The following THSD7B variants were observed in gnomAD, a reference collection of about 807,000 sequenced individuals.
The protein encoded by THSD7B is thrombospondin type-1 domain-containing protein 7B.
THSD7B carries 138 observed loss-of-function variants against 213.6 expected under a neutral mutation model. The observed-to-expected ratio is 0.65, with a 90% confidence interval of 0.56 to 0.74. THSD7B has a LOEUF of 0.74. THSD7B is among the 30% of genes least tolerant of loss of function. The pLI is 0.00. For missense variants in THSD7B, 1,931 were observed against 1,991.5 expected (o/e 0.97, Z 0.58); for synonymous variants, 742 against 687.0 (o/e 1.08, Z -1.25).
intron 12 of THSD7B, among the ~76,000 whole-genome samples, chr2:137,340,058 A>C (rs1684725334): frequency 6.6e-6 from 1 of 151,848 alleles, no homozygotes; most frequent in Non-Finnish European, 1.5e-5. Context: ...TTGGAGATAA[A>C]CATCATATAA....
At chr2:136,912,279 G>A (rs1684272261) in intron 2 of THSD7B, among the ~76,000 whole-genome samples, 1 of 127,966 alleles carries the variant, frequency 7.8e-6, no homozygotes, top group Admixed American at 9.8e-5. Context: ...TTGAGATAGT[G>A]CCACTGCACT....
intron 15 of THSD7B, among the ~76,000 whole-genome samples, chr2:137,471,378 C>T (rs1164135652): frequency 6.6e-6 from 1 of 152,066 alleles, no homozygotes; most frequent in Non-Finnish European, 1.5e-5. Context: ...ACGTTTTATC[C>T]TTCTGCCTTG....
chr2:136,804,411 C>CACACACACACATA (rs1682247814), intron 1 of THSD7B, among the ~76,000 whole-genome samples: 2 of 106,364 alleles, frequency 1.9e-5, no homozygotes, highest in African/African-American at 8.2e-5. Flanking sequence ...ATAACACACA[C>CACACACACACATA]ACACACACAC....
chr2:137,664,316 G>A (rs1213704120), intron 26 of THSD7B, among the ~76,000 whole-genome samples: 5 of 152,174 alleles, frequency 3.3e-5, no homozygotes, highest in African/African-American at 1.2e-4. Flanking sequence ...AAAAGGTAAA[G>A]AGTATCAGTT....
At chr2:137,111,508 G>A (rs1471197668) in intron 4 of THSD7B, among the ~76,000 whole-genome samples, 2 of 152,142 alleles carry the variant, frequency 1.3e-5, no homozygotes, top group African/African-American at 4.8e-5. Flanking sequence ...CCTTGGAAGA[G>A]TTACTTACTC....
At chr2:137,029,048 G>A (rs574222803) in intron 2 of THSD7B, among the ~76,000 whole-genome samples, 36 of 138,850 alleles carry the variant, frequency 2.6e-4, no homozygotes, top group Non-Finnish European at 5.3e-4. Flanking sequence ...TTACTTAGAT[G>A]TTATAAGCAT....
chr2:137,676,630 A>ACAT lies in THSD7B; in HGVS notation c.*28_*30dup. The stretch of plus-strand genomic sequence containing the variant: ...ATCTGAAAAAGAAATCCAAATGTAG[A>ACAT]CATCAACTGCCTTAACCGCTTTCTC... On this transcript the variant is annotated 3_prime_UTR_variant, in exon 28 of 28. Transcript: ENST00000409968. The ACAT allele has an allele frequency of 1.3e-6, 2 of 1,537,156 alleles. No individual in the cohort carries two copies. The highest frequency in any genetic ancestry group is 8.7e-7 in the Non-Finnish European group (1 of 1,145,620).
At chr2:137,270,664 G>A (rs1682711712) in intron 10 of THSD7B, among the ~76,000 whole-genome samples, 2 of 152,158 alleles carry the variant, frequency 1.3e-5, no homozygotes, top group Non-Finnish European at 2.9e-5. Flanking sequence ...TGGTGGCAAG[G>A]AGAAAGCTCC....
intron 10 of THSD7B, among the ~76,000 whole-genome samples, chr2:137,265,418 G>T (rs1486535205): frequency 1.3e-5 from 2 of 152,152 alleles, no homozygotes. Flanking sequence ...ATTCCTCAGG[G>T]ATCTAGAACT....
At chr2:137,438,848 T>C (rs1320732531) in intron 14 of THSD7B, among the ~76,000 whole-genome samples, 1 of 152,134 alleles carries the variant, frequency 6.6e-6, no homozygotes, top group African/African-American at 2.4e-5. Flanking sequence ...CAAATAGTCT[T>C]TGCAGATGTA....
At chr2:137,471,071 C>A (rs1688085401) in intron 15 of THSD7B, among the ~76,000 whole-genome samples, 2 of 151,988 alleles carry the variant, frequency 1.3e-5, no homozygotes, top group South Asian at 4.1e-4. Flanking sequence ...AGGCACTTGC[C>A]ACCACGCCTG....
chr2:137,546,529 G>A (rs1233344555), intron 15 of THSD7B, among the ~76,000 whole-genome samples: 1 of 109,214 alleles, frequency 9.2e-6, no homozygotes, highest in Non-Finnish European at 1.8e-5. Context: ...GGATAAACCA[G>A]GGACAATGGT....
intron 17 of THSD7B, among the ~76,000 whole-genome samples, chr2:137,579,428 C>A (rs781119693): frequency 1.3e-5 from 2 of 152,132 alleles, no homozygotes; most frequent in Non-Finnish European, 2.9e-5. Flanking sequence ...TCTTGGGTCT[C>A]CAGCTTGCAG....
intron 2 of THSD7B, among the ~76,000 whole-genome samples, chr2:136,921,474 T>A (rs1464519037): frequency 1.4e-5 from 2 of 140,116 alleles, no homozygotes; most frequent in South Asian, 2.3e-4. Flanking sequence ...TTTTTTTTTT[T>A]AATAAGATGA....
At chr2:136,849,132 C>T (rs1683055921) in intron 1 of THSD7B, among the ~76,000 whole-genome samples, 1 of 152,138 alleles carries the variant, frequency 6.6e-6, no homozygotes, top group South Asian at 2.1e-4. Flanking sequence ...AACACATCCC[C>T]TTACCACCAC....
chr2:136,904,410 C>G (rs1046914518), intron 2 of THSD7B, among the ~76,000 whole-genome samples: 3 of 152,168 alleles, frequency 2.0e-5, no homozygotes, highest in Admixed American at 6.5e-5. Context: ...ACTTACCACC[C>G]CAACCACTGG....
At chr2:137,560,096 C>G (rs543573976) in intron 15 of THSD7B, among the ~76,000 whole-genome samples, 2 of 122,250 alleles carry the variant, frequency 1.6e-5, no homozygotes, top group South Asian at 2.6e-4. Flanking sequence ...AATAGGAATA[C>G]TTTTACACTG....
At chr2:137,133,779 A>C in intron 5 of THSD7B, among the ~76,000 whole-genome samples, 2 of 152,228 alleles carry the variant, frequency 1.3e-5, no homozygotes, top group African/African-American at 4.8e-5. Context: ...CTATCATTTC[A>C]ACATAAATCA....
chr2:137,079,121 C>T (rs763787193), intron 3 of THSD7B, among the ~76,000 whole-genome samples: 8 of 151,952 alleles, frequency 5.3e-5, no homozygotes, highest in Non-Finnish European at 1.2e-4. Context: ...GAGTTTGAGA[C>T]CAGCCTGGGC....
Sources: gnomAD v4.1 joint callset for allele counts (sites outside exome capture counted in the v4.1 genomes callset) on GRCh38, gnomAD v4.1.1 for gene constraint, MANE v1.5 for transcripts, NCBI Gene and HGNC (gene_info 2026-07-23, HGNC 2026-07-21) for gene names.